Variants in RGS5 observed in about 807,000 individuals in gnomAD.
RGS5 encodes the protein regulator of G-protein signalling 5.
A neutral mutation model predicts 18.9 loss-of-function variants in RGS5; 20 were observed. That is an observed-to-expected ratio of 1.06 (90% CI 0.74 to 1.54). The LOEUF (loss-of-function observed/expected upper bound fraction) is 1.54. Among genes scored for constraint, RGS5 ranks in the 40% most tolerant of loss-of-function variants. RGS5 has a pLI of 0.00. For missense variants in RGS5, 201 were observed against 211.8 expected (o/e 0.95, Z 0.32); for synonymous variants, 57 against 76.2 (o/e 0.75, Z 1.31).
At chr1:163,254,118 C>T (rs1198486385) in intron 2 of RGS5, among the ~76,000 whole-genome samples, 2 of 150,890 alleles carry the variant, frequency 1.3e-5, no homozygotes, top group South Asian at 2.1e-4. Context: ...CATATGTGTG[C>T]ATGTGTCTTT....
chr1:163,225,220 C>A (rs978984513), intron 2 of RGS5, among the ~76,000 whole-genome samples: 2 of 152,084 alleles, frequency 1.3e-5, no homozygotes, highest in African/African-American at 4.8e-5. Context: ...GTTCTTCAAG[C>A]AAGAGAAGAC....
At chr1:163,257,995 G>A (rs1238083115) in intron 2 of RGS5, among the ~76,000 whole-genome samples, 2 of 152,278 alleles carry the variant, frequency 1.3e-5, no homozygotes, top group East Asian at 3.9e-4. Context: ...GGAGATGAAG[G>A]GCTCAGGATT....
intron 3 of RGS5, among the ~76,000 whole-genome samples, chr1:163,159,013 T>A (rs559376820): frequency 1.3e-5 from 2 of 152,294 alleles, no homozygotes; most frequent in African/African-American, 4.8e-5. Context: ...GAAAAAGAAT[T>A]CAGCGATATT....
At chr1:163,153,457 G>A (rs1657456544) in intron 3 of RGS5, among the ~76,000 whole-genome samples, 1 of 152,052 alleles carries the variant, frequency 6.6e-6, no homozygotes, top group Non-Finnish European at 1.5e-5. Flanking sequence ...AAGGATGAGT[G>A]GGAAAGGGCC....
intron 1 of RGS5, among the ~76,000 whole-genome samples, chr1:163,214,472 T>C (rs1442013369): frequency 6.6e-6 from 1 of 152,146 alleles, no homozygotes; most frequent in Non-Finnish European, 1.5e-5. Context: ...TGCTCACAGA[T>C]ACAGGGCCTT....
At chr1:163,259,579 G>T (rs1648375249) in intron 2 of RGS5, among the ~76,000 whole-genome samples, 1 of 152,148 alleles carries the variant, frequency 6.6e-6, no homozygotes, top group African/African-American at 2.4e-5. Flanking sequence ...TATGTTGAAA[G>T]AACATCAGTA....
chr1:163,154,605 A>C (rs1304255667), intron 3 of RGS5, among the ~76,000 whole-genome samples: 2 of 152,012 alleles, frequency 1.3e-5, no homozygotes, highest in Non-Finnish European at 2.9e-5. Flanking sequence ...TTTTTTCTAG[A>C]AACTTGGCCA....
intron 3 of RGS5, among the ~76,000 whole-genome samples, chr1:163,154,581 GA>G (rs201183727): frequency 1.0e-4 from 15 of 149,100 alleles, no homozygotes; most frequent in Non-Finnish European, 1.6e-4. Context: ...GGAAAACAAG[GA>G]AAAAAAAACC....
At chr1:163,290,260 T>C (rs1426377926) in intron 2 of RGS5, among the ~76,000 whole-genome samples, 1 of 152,146 alleles carries the variant, frequency 6.6e-6, no homozygotes, top group African/African-American at 2.4e-5. Context: ...GCTTTTCTCT[T>C]TTCTTTCGCC....
At chr1:163,239,455 C>T (rs1571312140) in intron 2 of RGS5, among the ~76,000 whole-genome samples, 1 of 150,392 alleles carries the variant, frequency 6.6e-6, no homozygotes, top group Non-Finnish European at 1.5e-5. Context: ...CACTGCACTC[C>T]AGCCTGGGTG....
At chr1:163,226,853 C>T (rs534745857) in intron 2 of RGS5, among the ~76,000 whole-genome samples, 32 of 152,288 alleles carry the variant, frequency 2.1e-4, no homozygotes, top group African/African-American at 6.0e-4. Flanking sequence ...TCCATAAGTA[C>T]GCTTAAAGAC....
At chr1:163,156,594 T>G (rs1004785240) in intron 3 of RGS5, among the ~76,000 whole-genome samples, 4 of 152,162 alleles carry the variant, frequency 2.6e-5, no homozygotes, top group Non-Finnish European at 4.4e-5. Flanking sequence ...TTTGCCTCTC[T>G]TTTGCATCCC....
At chr1:163,289,831 T>C (rs555961896) in intron 2 of RGS5, among the ~76,000 whole-genome samples, 27 of 152,218 alleles carry the variant, frequency 1.8e-4, no homozygotes, top group African/African-American at 6.3e-4. Context: ...TTCCATTTTA[T>C]AAAAAGCAGC....
chr1:163,261,891 A>G (rs12750482), intron 2 of RGS5, among the ~76,000 whole-genome samples: 4 of 150,012 alleles, frequency 2.7e-5, no homozygotes, highest in African/African-American at 1.0e-4. Context: ...ATTTTTTTTT[A>G]AAATTATTTC....
chr1:163,172,430 C>A, intron 1 of RGS5: 2 of 975,892 alleles, frequency 2.0e-6, no homozygotes, highest in Non-Finnish European at 3.0e-6. Context: ...GAATCAGTAC[C>A]CTACTACTAT....
chr1:163,179,489 A>C (rs573509353), intron 1 of RGS5, among the ~76,000 whole-genome samples: 1 of 152,322 alleles, frequency 6.6e-6, no homozygotes, highest in African/African-American at 2.4e-5. Flanking sequence ...CCAGATTATT[A>C]ACAGAAAAAA....
upstream of RGS5, among the ~76,000 whole-genome samples, chr1:163,207,122 C>A (rs2101666968): frequency 6.6e-6 from 1 of 151,956 alleles, no homozygotes; most frequent in Non-Finnish European, 1.5e-5. Context: ...AAGAGAAAAC[C>A]CTCTGATCAT....
chr1:163,282,967 T>A (rs1366998231), intron 2 of RGS5, among the ~76,000 whole-genome samples: 1 of 152,078 alleles, frequency 6.6e-6, no homozygotes, highest in Non-Finnish European at 1.5e-5. Flanking sequence ...AAAAATGACC[T>A]CCTGTCATTC....
chr1:163,232,539 G>A (rs1647508224), intron 2 of RGS5, among the ~76,000 whole-genome samples: 1 of 152,172 alleles, frequency 6.6e-6, no homozygotes, highest in South Asian at 2.1e-4. Flanking sequence ...AGGAGGAAAT[G>A]TCTCAAGGAG....
Sources: gnomAD v4.1 joint callset for allele counts (sites outside exome capture counted in the v4.1 genomes callset) on GRCh38, gnomAD v4.1.1 for gene constraint, MANE v1.5 for transcripts, NCBI Gene and HGNC (gene_info 2026-07-23, HGNC 2026-07-21) for gene names.